AK9: variants seen among roughly 807,000 people sequenced by gnomAD.
AK9 encodes the protein adenylate kinase domain containing 1.
In AK9, 191 loss-of-function variants were observed where a neutral mutation model predicts 239.6. The observed-to-expected ratio is 0.80, with a 90% CI of 0.71 to 0.90. AK9 has a LOEUF of 0.90. Among genes scored for constraint, AK9 ranks in the 40% least tolerant of loss-of-function variants. AK9 has a pLI of 0.00. For missense variants in AK9, 1,995 were observed against 2,214.7 expected, an observed-to-expected ratio of 0.90 and a Z score of 1.99; for synonymous variants, 689 against 721.0, an observed-to-expected ratio of 0.96 and a Z score of 0.71.
intron 35 of AK9, among the ~76,000 whole-genome samples, chr6:109,503,833 G>T (rs574708254): frequency 6.6e-6 from 1 of 152,274 alleles, no homozygotes; most frequent in African/African-American, 2.4e-5. Context: ...CCCTCCCGGG[G>T]TGGCCTGCGG....
At chr6:109,680,391 G>A (rs753775515) in intron 1 of AK9, among the ~76,000 whole-genome samples, 2 of 152,108 alleles carry the variant, frequency 1.3e-5, no homozygotes, top group Non-Finnish European at 2.9e-5. Context: ...AAAGATAGAA[G>A]ACAAGATTAG....
At chr6:109,514,991 A>G (rs1779125838) in intron 31 of AK9, among the ~76,000 whole-genome samples, 1 of 152,222 alleles carries the variant, frequency 6.6e-6, no homozygotes, top group Non-Finnish European at 1.5e-5. Context: ...GGGTGGGCAC[A>G]CAGAAAAGGC....
intron 12 of AK9, among the ~76,000 whole-genome samples, chr6:109,625,460 C>G (rs551597626): frequency 6.6e-6 from 1 of 152,142 alleles, no homozygotes; most frequent in East Asian, 1.9e-4. Flanking sequence ...GGCCATGGAC[C>G]GGTAGGAACT....
At chr6:109,512,724 CTTG>C (rs10565242) in intron 32 of AK9, among the ~76,000 whole-genome samples, 31,558 of 151,980 alleles carry the variant, frequency 0.21, 3,433 homozygotes, top group South Asian at 0.33. Context: ...ACCCACTGTT[CTTG>C]TTGTTATCAT....
At position 109,619,193 on chromosome 6, in the gene AK9, G is replaced by C; in HGVS notation, c.1298C>G (p.Ala433Gly). ...GGTATTTTCTACTAATGTTTCACGG[G>C]CTTTATCAAAACGTGGCTGAACAAG... ...AQLVQPRFDK[A>G]RETLVENTIA... Residue 433 changes from alanine to glycine, a missense_variant, in exon 13 of 41, where the codon GCC (alanine) becomes GGC (glycine). This residue lies in a region of AK9 where 1,290 missense variants were observed against 1,392.7 expected (regional missense o/e 0.93). Transcript: ENST00000424296. The C allele has an allele frequency of 6.5e-7, 1 of 1,550,014 alleles. No homozygotes were observed. Among genetic ancestry groups the C allele is most frequent in the Non-Finnish European group, 8.7e-7 (1 of 1,146,240 alleles).
intron 19 of AK9, 124 bp from the exon 20 acceptor site, chr6:109,579,750 A>G: frequency 2.5e-6 from 2 of 816,104 alleles, no homozygotes; most frequent in Non-Finnish European, 1.8e-6. Flanking sequence ...TTTACAATGT[A>G]TATTTTTAAA....
chr6:109,599,534 C>T (rs565449980), intron 17 of AK9, among the ~76,000 whole-genome samples: 3,199 of 152,256 alleles, frequency 0.021, 99 homozygotes, highest in African/African-American at 0.074. Context: ...GCTCCTTTGG[C>T]TTAGGATTGA....
At chr6:109,496,041 C>T (rs568865491) in intron 38 of AK9, among the ~76,000 whole-genome samples, 13 of 151,672 alleles carry the variant, frequency 8.6e-5, no homozygotes, top group South Asian at 4.2e-4. Flanking sequence ...CTTCCAGAAA[C>T]GAACATCTCT....
intron 17 of AK9, among the ~76,000 whole-genome samples, chr6:109,598,475 G>A (rs960053583): frequency 3.9e-5 from 6 of 152,094 alleles, no homozygotes; most frequent in East Asian, 1.9e-4. Flanking sequence ...GTCTATCATT[G>A]TTGGACATTT....
intron 21 of AK9, among the ~76,000 whole-genome samples, chr6:109,568,659 T>C (rs1282669884): frequency 1.3e-5 from 2 of 152,184 alleles, no homozygotes; most frequent in Non-Finnish European, 2.9e-5. Flanking sequence ...AGCCAAATCA[T>C]GAGTGAACTC....
intron 38 of AK9, among the ~76,000 whole-genome samples, chr6:109,496,150 ATTTTAT>A (rs1349210820): frequency 6.6e-6 from 1 of 152,192 alleles, no homozygotes; most frequent in Non-Finnish European, 1.5e-5. Flanking sequence ...ATCCACATGT[ATTTTAT>A]TTTTAAATTT....
intron 17 of AK9, among the ~76,000 whole-genome samples, chr6:109,595,772 G>A (rs915908944): frequency 9.2e-5 from 14 of 152,118 alleles, no homozygotes. Flanking sequence ...AACACTGCAT[G>A]TTCTCACTCA....
At chr6:109,652,142 G>A (rs778875518) in intron 8 of AK9, among the ~76,000 whole-genome samples, 1 of 152,192 alleles carries the variant, frequency 6.6e-6, no homozygotes, top group Non-Finnish European at 1.5e-5. Flanking sequence ...GAACATCGAT[G>A]CAAAAATCCT....
chr6:109,584,175 C>T (rs900139855), intron 19 of AK9, among the ~76,000 whole-genome samples: 1 of 151,968 alleles, frequency 6.6e-6, no homozygotes, highest in African/African-American at 2.4e-5. Context: ...GAATAATGAA[C>T]ACTAAAAAAT....
chr6:109,563,536 C>T (rs976173213), intron 24 of AK9, 61 bp downstream of exon 24: 4 of 1,531,562 alleles, frequency 2.6e-6, no homozygotes, highest in Non-Finnish European at 3.5e-6. Context: ...AGTTACCACT[C>T]TTATTTGCAT....
At chr6:109,648,807 A>C (rs1301070252) in intron 8 of AK9, among the ~76,000 whole-genome samples, 1 of 152,220 alleles carries the variant, frequency 6.6e-6, no homozygotes, top group African/African-American at 2.4e-5. Context: ...ATTTTAGACC[A>C]ATATCCTTGA....
At chr6:109,521,939 T>C (rs1057253862) in intron 29 of AK9, among the ~76,000 whole-genome samples, 1 of 152,052 alleles carries the variant, frequency 6.6e-6, no homozygotes, top group Admixed American at 6.6e-5. Flanking sequence ...TTATTCACCA[T>C]ATCAATTGGC....
intron 32 of AK9, among the ~76,000 whole-genome samples, chr6:109,513,020 T>C (rs6568579): frequency 0.71 from 108,263 of 151,892 alleles, 39,069 homozygotes; most frequent in East Asian, 0.99. Context: ...TGTGCCACCA[T>C]TCCCAGCTAA....
intron 17 of AK9, among the ~76,000 whole-genome samples, chr6:109,594,015 G>A (rs561725952): frequency 9.7e-4 from 148 of 152,262 alleles, no homozygotes; most frequent in Middle Eastern, 3.4e-3. Flanking sequence ...TTCTGGCCAG[G>A]AAAATCAGGC....
Sources: gnomAD v4.1 joint callset for allele counts (sites outside exome capture counted in the v4.1 genomes callset) on GRCh38, gnomAD v4.1.1 for gene constraint, gnomAD v4.1.1 regional missense constraint, MANE v1.5 for transcripts, NCBI Gene and HGNC (gene_info 2026-07-23, HGNC 2026-07-21) for gene names.